Variants in CNTN5 observed in about 807,000 individuals in gnomAD.
CNTN5 encodes the protein contactin 5.
CNTN5 carries 77 observed loss-of-function variants against 129.1 expected under a neutral mutation model. The ratio of observed to expected loss-of-function variants is 0.60; its 90% CI spans 0.50 to 0.72. The LOEUF (loss-of-function observed/expected upper bound fraction) is 0.72. CNTN5 is among the 30% of genes least tolerant of loss of function. CNTN5 has a pLI of 0.00. For synonymous variants in CNTN5, 509 were observed against 465.6 expected (o/e 1.09, Z -1.20); for missense variants, 1,478 against 1,328.8 (o/e 1.11, Z -1.75).
At chr11:99,669,318 T>C (rs2135940806) in intron 3 of CNTN5, among the ~76,000 whole-genome samples, 1 of 152,232 alleles carries the variant, frequency 6.6e-6, no homozygotes, top group Non-Finnish European at 1.5e-5. Flanking sequence ...TAAACCTTCA[T>C]TGCCATCTAA....
chr11:100,070,277 G>C, intron 10 of CNTN5, 147 bp from the exon 11 acceptor site: 3 of 649,572 alleles, frequency 4.6e-6, no homozygotes, highest in Non-Finnish European at 7.3e-6. Context: ...AATTTTGTGT[G>C]TAACGCAATG....
At position 99,704,055 on chromosome 11, in the gene CNTN5, ATATGTGTGTGTGTG is replaced by A. The variant is rs568510891; in HGVS notation, c.56-115471_56-115458del. Among the ~76,000 whole-genome samples, 1,135 of 149,662 alleles carry A rather than the reference ATATGTGTGTGTGTG, an allele frequency of 7.6e-3. 9 individuals carry two copies. Among genetic ancestry groups the A allele is most frequent in the Middle Eastern group, 0.031 (9 of 292 alleles). ...AATAATTATATGTGTGTATATATAT[ATATGTGTGTGTGTG>A]TATGTGTGTGTGTGTATACATACAC... On this transcript the variant is annotated intron_variant, in intron 3 of 24. Transcript: ENST00000524871.
chr11:100,177,545 T>G (rs990208424), intron 13 of CNTN5, among the ~76,000 whole-genome samples: 3 of 152,126 alleles, frequency 2.0e-5, no homozygotes, highest in African/African-American at 7.2e-5. Flanking sequence ...TCACTCCTTC[T>G]CCACTTCCAG....
At chr11:100,337,098 T>A in intron 21 of CNTN5, 1 of 1,367,798 alleles carries the variant, frequency 7.3e-7, no homozygotes, top group Non-Finnish European at 1.0e-6. Flanking sequence ...TCATCAGACA[T>A]GCAGAGAAGA....
At chr11:99,844,529 A>G (rs1006292023) in intron 4 of CNTN5, 2 of 343,512 alleles carry the variant, frequency 5.8e-6, no homozygotes, top group African/African-American at 2.3e-5. Flanking sequence ...TTTTTAAGAT[A>G]TTGTTTATGC....
intron 1 of CNTN5, among the ~76,000 whole-genome samples, chr11:99,093,064 A>G (rs1285992031): frequency 1.3e-5 from 2 of 152,072 alleles, no homozygotes; most frequent in African/African-American, 2.4e-5. Context: ...ATTCTAGGAC[A>G]TGTAGTACAT....
intron 2 of CNTN5, among the ~76,000 whole-genome samples, chr11:99,351,718 T>C (rs1348248310): frequency 6.6e-6 from 1 of 152,204 alleles, no homozygotes; most frequent in Non-Finnish European, 1.5e-5. Context: ...AACTACTATA[T>C]AAATCAAATT....
chr11:99,763,216 G>C (rs558661658), intron 3 of CNTN5, among the ~76,000 whole-genome samples: 2 of 152,106 alleles, frequency 1.3e-5, no homozygotes, highest in South Asian at 4.1e-4. Context: ...TCACTTGTCA[G>C]ATATAGAATA....
intron 1 of CNTN5, among the ~76,000 whole-genome samples, chr11:99,230,622 C>A (rs1860943082): frequency 6.6e-6 from 1 of 152,148 alleles, no homozygotes; most frequent in Non-Finnish European, 1.5e-5. Context: ...AATAGCCTAT[C>A]AGTGTGTAAA....
rs1017447883 is a variant in CNTN5, at chr11:99,620,116, A to G, written c.55+63847A>G. Among the ~76,000 whole-genome samples, 5 of 152,052 alleles carry G rather than the reference A, an allele frequency of 3.3e-5. No homozygotes were observed. The East Asian group carries it at 9.6e-4, about 29-fold the overall frequency. On this transcript the variant is annotated intron_variant, in intron 3 of 24. Coordinates refer to ENST00000524871, the MANE Select transcript of CNTN5 (RefSeq NM_014361.4). The stretch of plus-strand genomic sequence containing the variant: ...TACTTTTCATTAAACTTAAATTTTA[A>G]TATTTTTATAAGTGCTTAAAGTAAA...
At position 99,172,006 on chromosome 11, in the gene CNTN5, G is replaced by A. The variant is rs115338950; in HGVS notation, c.-210+150736G>A. ...TCCTCAAAGTGAGCAATTTCATTTT[G>A]AAGCCAGAAACATAACCATTATATA... On this transcript the variant is annotated intron_variant, in intron 1 of 24. Coordinates refer to ENST00000524871, the MANE Select transcript of CNTN5 (RefSeq NM_014361.4). Among the ~76,000 whole-genome samples, 720 of 152,188 alleles carry A rather than the reference G, an allele frequency of 4.7e-3. 7 individuals are homozygous for A. Among genetic ancestry groups the A allele is most frequent in the African/African-American group, 0.015 (619 of 41,524 alleles).
chr11:99,382,845 CTT>C (rs1163660333), intron 2 of CNTN5, among the ~76,000 whole-genome samples: 6 of 77,046 alleles, frequency 7.8e-5, no homozygotes, highest in East Asian at 1.1e-3. Context: ...CTCTAAATAA[CTT>C]TTTTTTTTTT....
At position 100,193,619 on chromosome 11, in the gene CNTN5, A is replaced by G. The variant is rs1480754912; in HGVS notation, c.1840A>G (p.Ile614Val). The change falls in exon 15 of 25, where the codon ATT (isoleucine) becomes GTT (valine). Residue 614 changes from isoleucine (I) to valine (V), a missense_variant. Physicochemically the swap from Ile to Val is conservative, Grantham distance 29. Coordinates refer to ENST00000524871, the MANE Select transcript of CNTN5 (RefSeq NM_014361.4). Reference sequence around the variant, plus strand: ...CTACTGGACTCTGAAAGGACAGCCTATTGATTTCGAGGAAGAGGGTGGACA... The same window carrying G: ...CTACTGGACTCTGAAAGGACAGCCTGTTGATTTCGAGGAAGAGGGTGGACA... ...TFYWTLKGQP[I>V]DFEEEGGHFE... 5 of 1,612,008 alleles carry G rather than the reference A, an allele frequency of 3.1e-6. No homozygotes were observed. The highest frequency in any genetic ancestry group is 1.7e-5 in the Admixed American group (1 of 59,730).
At chr11:100,142,556 C>A (rs1946729610) in intron 13 of CNTN5, among the ~76,000 whole-genome samples, 1 of 152,136 alleles carries the variant, frequency 6.6e-6, no homozygotes, top group African/African-American at 2.4e-5. Flanking sequence ...AATGCAGGTG[C>A]ACAACATAAT....
chr11:99,814,947 T>A (rs936355906), intron 3 of CNTN5, among the ~76,000 whole-genome samples: 3 of 152,068 alleles, frequency 2.0e-5, no homozygotes, highest in African/African-American at 7.2e-5. Context: ...AAGGTGGCAG[T>A]AGAGAGAATT....
At chr11:99,562,556 A>C (rs894141058) in intron 3 of CNTN5, among the ~76,000 whole-genome samples, 1 of 152,188 alleles carries the variant, frequency 6.6e-6, no homozygotes, top group Non-Finnish European at 1.5e-5. Context: ...TGTTAATAGG[A>C]AAAACTGGTT....
intron 1 of CNTN5, chr11:99,049,842 C>T (rs1306808747): frequency 6.6e-6 from 1 of 152,114 alleles, no homozygotes; most frequent in Non-Finnish European, 1.5e-5. Context: ...GACTGAAAAT[C>T]AAATATTTTA....
chr11:100,046,419 T>A (rs1007919166), intron 9 of CNTN5, among the ~76,000 whole-genome samples: 1 of 152,204 alleles, frequency 6.6e-6, no homozygotes, highest in African/African-American at 2.4e-5. Flanking sequence ...CTTTGTGATT[T>A]AAGACAATTA....
intron 8 of CNTN5, among the ~76,000 whole-genome samples, chr11:99,993,561 G>A (rs1939260133): frequency 6.6e-6 from 1 of 152,100 alleles, no homozygotes; most frequent in Non-Finnish European, 1.5e-5. Flanking sequence ...ATGCAGCCTA[G>A]CTCCCTTGCA....
Sources: gnomAD v4.1 joint callset for allele counts (sites outside exome capture counted in the v4.1 genomes callset) on GRCh38, gnomAD v4.1.1 for gene constraint, MANE v1.5 for transcripts, NCBI Gene and HGNC (gene_info 2026-07-23, HGNC 2026-07-21) for gene names.